Variants in TDRD15 observed in about 807,000 individuals in gnomAD.
TDRD15 encodes tudor domain containing 15.
For synonymous variants in TDRD15, 503 were observed against 314.5 expected, an observed-to-expected ratio of 1.60 and a Z score of -6.34; for missense variants, 1,416 against 904.7, an observed-to-expected ratio of 1.57 and a Z score of -7.25.
chr2:21,146,153 T>C (rs1037554153), downstream of TDRD15, among the ~76,000 whole-genome samples: 13 of 152,010 alleles, frequency 8.6e-5, no homozygotes, highest in African/African-American at 3.1e-4. Flanking sequence ...AGGCTTTCTG[T>C]GTAAAAACTC....
Position 21,142,564 on chromosome 2 carries a change from CAAACTT to C in TDRD15, c.5099_5104del (p.Lys1700_Leu1701del), listed in dbSNP as rs908221922. 22 of 707,834 alleles carry C rather than the reference CAAACTT, an allele frequency of 3.1e-5. No homozygotes were observed. The highest frequency in any genetic ancestry group is 4.7e-5 in the Non-Finnish European group (18 of 381,822). 43.8% of individuals were successfully genotyped at this position (707,834 alleles called of 1,614,324 possible). Reference sequence around the variant, plus strand: ...TGAATACAGTTCCTGTTGAAGAAAACAAACTTAGACTTGCAGAAATTGTTTACAACA... The same window carrying C: ...TGAATACAGTTCCTGTTGAAGAAAACAGACTTGCAGAAATTGTTTACAACA... On this transcript the variant is annotated inframe_deletion, in exon 4 of 4. Transcript: ENST00000405799.
rs1665989970 is a variant in TDRD15 at position 21,143,970 on chromosome 2, A to C, written c.*698A>C. Among the ~76,000 whole-genome samples the C allele has an allele frequency of 6.6e-6, 1 of 151,750 alleles. No homozygotes were observed. Among genetic ancestry groups the C allele is most frequent in the African/African-American group, 2.4e-5 (1 of 41,398 alleles). On this transcript the variant is annotated 3_prime_UTR_variant, in exon 4 of 4. Coordinates refer to ENST00000405799, the MANE Select transcript of TDRD15 (RefSeq NM_001306137.2). Reference sequence around the variant, plus strand: ...CACAAATAATTTCAAGGGTTTCATAAAACTCCTAAATGTCTGTAGATCTCA... The same window carrying C: ...CACAAATAATTTCAAGGGTTTCATACAACTCCTAAATGTCTGTAGATCTCA...
At chr2:21,124,103 A>C (rs997909241) in intron 1 of TDRD15, 57 bp downstream of exon 1, 3 of 152,524 alleles carry the variant, frequency 2.0e-5, no homozygotes, top group Admixed American at 2.0e-4. Context: ...ATTGGTTTCC[A>C]TGGTACTTCC....
At chr2:21,136,307 T>A (rs1665805913) in intron 3 of TDRD15, among the ~76,000 whole-genome samples, 1 of 152,102 alleles carries the variant, frequency 6.6e-6, no homozygotes, top group African/African-American at 2.4e-5. Flanking sequence ...ATCTTTTTCC[T>A]CTGAGCTTTG....
At chr2:21,129,720 GT>G (rs1227194644) in intron 2 of TDRD15, among the ~76,000 whole-genome samples, 4 of 151,742 alleles carry the variant, frequency 2.6e-5, no homozygotes, top group Admixed American at 6.6e-5. Flanking sequence ...CAATTGATCT[GT>G]TTTTTTTATC....
Position 21,141,800 on chromosome 2 carries a change from A to G in TDRD15, c.4333A>G (p.Lys1445Glu), listed in dbSNP as rs1322630647. ...HNKTVYCEFLKKHDQKWEVNM... is the reference protein window; with the variant it reads ...HNKTVYCEFLEKHDQKWEVNM... The stretch of plus-strand genomic sequence containing the variant: ...CAAAACAGTTTATTGTGAATTTTTG[A>G]AAAAGCATGATCAGAAATGGGAAGT... The change falls in exon 4 of 4, where the codon AAA (lysine) becomes GAA (glutamate). Residue 1445 changes from lysine (K) to glutamate (E), a missense_variant. Lys to Glu is a moderately conservative substitution (Grantham distance 56). Transcript: ENST00000405799. 1.4e-6 allele frequency: 1 copy of G among 713,502 alleles called. No individual in the cohort carries two copies. Among genetic ancestry groups the G allele is most frequent in the Non-Finnish European group, 2.6e-6 (1 of 383,070 alleles). 44.2% of individuals were successfully genotyped at this position (713,502 alleles called of 1,614,324 possible). A position where few individuals can be genotyped will look rare whatever the true frequency, so the allele number is the denominator to read the frequency against.
chr2:21,137,322 G>A (rs897401801), intron 3 of TDRD15, 143 bp from the exon 4 acceptor site: 11 of 423,452 alleles, frequency 2.6e-5, no homozygotes, highest in African/African-American at 1.4e-4. Context: ...CGTCTCATTC[G>A]ATATGTATAA....
chr2:21,142,503 T>C lies in TDRD15; in HGVS notation c.5036T>C (p.Leu1679Ser). The change falls in exon 4 of 4, where the codon TTG becomes TCG. Residue 1679 changes from leucine to serine, a missense_variant. Leu to Ser is a moderately radical substitution (Grantham distance 145). Coordinates refer to ENST00000405799, the MANE Select transcript of TDRD15 (RefSeq NM_001306137.2). The part of the protein sequence containing the change: ...YLDAVWEVEI[L>S]VDDLLLLEYL... ...GATGCTGTTTGGGAAGTAGAAATTT[T>C]GGTAGATGACCTGTTACTTTTGGAA... 1 of 698,190 alleles carries C rather than the reference T, an allele frequency of 1.4e-6. No homozygotes were observed. The highest frequency in any genetic ancestry group is 1.6e-5 in the South Asian group (1 of 63,778). 43.2% of individuals were successfully genotyped at this position (698,190 alleles called of 1,614,324 possible).
intron 2 of TDRD15, among the ~76,000 whole-genome samples, chr2:21,133,057 G>A (rs1665749954): frequency 6.6e-6 from 1 of 152,058 alleles, no homozygotes; most frequent in Non-Finnish European, 1.5e-5. Flanking sequence ...ATTGCTCCTA[G>A]TTGTGAACTT....
rs775868060 is a variant in TDRD15 at position 21,140,265 on chromosome 2, G to T, written c.2798G>T (p.Arg933Leu). 9.8e-6 allele frequency: 7 copies of T among 715,170 alleles called. No homozygotes were observed. Among genetic ancestry groups the T allele is most frequent in the East Asian group, 8.1e-5 (3 of 37,214 alleles). 44.3% of individuals were successfully genotyped at this position (715,170 alleles called of 1,614,324 possible). The stretch of plus-strand genomic sequence containing the variant: ...AGTGCAAAAGAATTTCTTATGAATC[G>T]TGGCTCTGCTCAGTATATCACATTA... ...FTSAKEFLMN[R>L]GSAQYITLSE... Residue 933 changes from arginine to leucine, a missense_variant, in exon 4 of 4, where the codon CGT becomes CTT. Physicochemically the swap from Arg to Leu is moderately radical, Grantham distance 102. Transcript: ENST00000405799.
In TDRD15 at chr2:21,142,199, G is replaced by T. The variant is rs1340256124; in HGVS notation, c.4732G>T (p.Gly1578Cys). The T allele has an allele frequency of 1.3e-5, 9 of 688,460 alleles. No homozygotes were observed. The highest frequency in any genetic ancestry group is 2.4e-5 in the Non-Finnish European group (9 of 377,076). 42.6% of individuals were successfully genotyped at this position (688,460 alleles called of 1,614,324 possible). The change falls in exon 4 of 4, where the codon GGT (glycine) becomes TGT (cysteine). Residue 1578 changes from glycine to cysteine, a missense_variant. By Grantham distance (159) the Gly-to-Cys change is radical. Coordinates refer to ENST00000405799, the MANE Select transcript of TDRD15 (RefSeq NM_001306137.2). ...TTTATCAATGGAAAGTATTGAAAAAGGTTTAGAATGCTTGGCAAAATCTAA... is the reference window on the plus strand; with the variant it reads ...TTTATCAATGGAAAGTATTGAAAAATGTTTAGAATGCTTGGCAAAATCTAA... ...PFLSMESIEK[G>C]LECLAKSKNT... is the part of the protein sequence containing the mutation.
At chr2:21,137,082 A>G (rs1665821824) in intron 3 of TDRD15, among the ~76,000 whole-genome samples, 1 of 152,010 alleles carries the variant, frequency 6.6e-6, no homozygotes, top group African/African-American at 2.4e-5. Flanking sequence ...TGGTTGTCTC[A>G]CAGGAGGAGA....
In TDRD15 at chr2:21,142,528, A is replaced by G; in HGVS notation, c.5061A>G (p.Glu1687=). ...TGGTAGATGACCTGTTACTTTTGGA[A>G]TACTTAAATTTGAATACAGTTCCTG... The part of the protein sequence containing the change: ...EILVDDLLLL[E]YLNLNTVPVE... The change falls in exon 4 of 4, where the codon GAA becomes GAG. Residue 1687 remains glutamate, a synonymous_variant. Coordinates refer to ENST00000405799, the MANE Select transcript of TDRD15 (RefSeq NM_001306137.2). 2 of 699,078 alleles carry G rather than the reference A, an allele frequency of 2.9e-6. No individual in the cohort carries two copies. The highest frequency in any genetic ancestry group is 5.3e-6 in the Non-Finnish European group (2 of 378,422). 43.3% of individuals were successfully genotyped at this position (699,078 alleles called of 1,614,324 possible).
At position 21,138,965 on chromosome 2, in the gene TDRD15, C is replaced by T. The variant is rs756026218; in HGVS notation, c.1498C>T (p.Arg500Cys). Residue 500 changes from arginine (R) to cysteine (C), a missense_variant, in exon 4 of 4, where the codon CGC becomes TGC. By Grantham distance (180) the Arg-to-Cys change is radical. Coordinates refer to ENST00000405799, the MANE Select transcript of TDRD15 (RefSeq NM_001306137.2). ...ATTAAACCCATCAAATTTCTGGGTA[C>T]GCACTAATGACCATCGGAATGAATT... ...YVLNPSNFWVRTNDHRNEFQE... is the reference protein window; with the variant it reads ...YVLNPSNFWVCTNDHRNEFQE... 1.8e-4 allele frequency: 129 copies of T among 712,980 alleles called. No homozygotes were observed. The highest frequency in any genetic ancestry group is 4.6e-4 in the Middle Eastern group (2 of 4,348). 44.2% of individuals were successfully genotyped at this position (712,980 alleles called of 1,614,324 possible). A position where few individuals can be genotyped will look rare whatever the true frequency, so the allele number is the denominator to read the frequency against.
rs767083528 is a variant in TDRD15, at chr2:21,143,655, TA to T, written c.*392del. Among the ~76,000 whole-genome samples the T allele has an allele frequency of 2.7e-5, 4 of 150,660 alleles. No individual in the cohort carries two copies. Among genetic ancestry groups the T allele is most frequent in the East Asian group, 1.9e-4 (1 of 5,156 alleles). On this transcript the variant is annotated 3_prime_UTR_variant, in exon 4 of 4. Coordinates refer to ENST00000405799, the MANE Select transcript of TDRD15 (RefSeq NM_001306137.2). The stretch of plus-strand genomic sequence containing the variant: ...CAGCAGTAAAAACATTGCATGATAA[TA>T]AAAAAAAACACAGAACACTTAAAAG...
intron 3 of TDRD15, among the ~76,000 whole-genome samples, chr2:21,136,349 T>A (rs1283689357): frequency 6.6e-6 from 1 of 152,072 alleles, no homozygotes; most frequent in Non-Finnish European, 1.5e-5. Flanking sequence ...TTCTAATTTA[T>A]TTTTATTTTA....
Position 21,140,158 on chromosome 2 carries a change from A to G in TDRD15, c.2691A>G (p.Leu897=). 2.8e-6 allele frequency: 2 copies of G among 715,848 alleles called. No homozygotes were observed. The highest frequency in any genetic ancestry group is 5.2e-6 in the Non-Finnish European group (2 of 383,980). 44.3% of individuals were successfully genotyped at this position (715,848 alleles called of 1,614,324 possible). ...ATTTTATCTCTTCATCTAGAGGGTTATTGACTTGTATCATCTATGCCTTAG... is the reference window on the plus strand; with the variant it reads ...ATTTTATCTCTTCATCTAGAGGGTTGTTGACTTGTATCATCTATGCCTTAG... ...LWNFISSSRG[L]LTCIIYALVI... The change falls in exon 4 of 4, where the codon TTA becomes TTG. Residue 897 remains leucine, a synonymous_variant. Coordinates refer to ENST00000405799, the MANE Select transcript of TDRD15 (RefSeq NM_001306137.2).
At position 21,140,579 on chromosome 2, in the gene TDRD15, T is replaced by A. The variant is rs1490165003; in HGVS notation, c.3112T>A (p.Ser1038Thr). ...SYRALAIPTD[S>T]SSEFQVYFVD... ...CAGAGCTTTAGCAATACCAACAGATTCATCATCTGAGTTTCAAGTCTATTT... is the reference window on the plus strand; with the variant it reads ...CAGAGCTTTAGCAATACCAACAGATACATCATCTGAGTTTCAAGTCTATTT... The change falls in exon 4 of 4, where the codon TCA becomes ACA. Residue 1038 changes from serine to threonine, a missense_variant. Transcript: ENST00000405799. 1 of 713,422 alleles carries A rather than the reference T, an allele frequency of 1.4e-6. No individual in the cohort carries two copies. The highest frequency in any genetic ancestry group is 2.7e-5 in the East Asian group (1 of 37,214). The allele number at this position is 713,422 out of a possible 1,614,324, so 44.2% of individuals were successfully genotyped here.
chr2:21,125,113 G>A (rs1437790784), intron 1 of TDRD15, among the ~76,000 whole-genome samples: 2 of 151,060 alleles, frequency 1.3e-5, no homozygotes, highest in Non-Finnish European at 3.0e-5. Flanking sequence ...TAATGCCAGG[G>A]TGTGTGTTAG....
Sources: allele counts gnomAD v4.1 joint callset (sites outside exome capture counted in the v4.1 genomes callset), GRCh38; gene constraint gnomAD v4.1.1; transcripts MANE v1.5; gene names NCBI Gene and HGNC (gene_info 2026-07-23, HGNC 2026-07-21).